GPM6A: variants seen among roughly 807,000 people sequenced by gnomAD.
The protein encoded by GPM6A is neuronal membrane glycoprotein M6-a.
In GPM6A, 7 loss-of-function variants were observed where a neutral mutation model predicts 32.1. The ratio of observed to expected loss-of-function variants is 0.22; its 90% CI spans 0.12 to 0.41. The LOEUF (loss-of-function observed/expected upper bound fraction) is 0.41. GPM6A is among the 10% of genes least tolerant of loss of function. The pLI is 1.00. For synonymous variants in GPM6A, 130 were observed against 123.4 expected, an observed-to-expected ratio of 1.05 and a Z score of -0.35; for missense variants, 235 against 347.2, an observed-to-expected ratio of 0.68 and a Z score of 2.57.
At chr4:175,810,370 AAACTGATAGAC>A (rs1403080229) in intron 1 of GPM6A, among the ~76,000 whole-genome samples, 1 of 152,224 alleles carries the variant, frequency 6.6e-6, no homozygotes. Flanking sequence ...ATACATTTAC[AAACTGATAGAC>A]CACTAAACGT....
intron 1 of GPM6A, chr4:175,962,114 G>A (rs1218076199): frequency 4.1e-5 from 31 of 759,996 alleles, no homozygotes; most frequent in Non-Finnish European, 7.5e-5. Flanking sequence ...CCCATGCTGT[G>A]CACCATCCGG....
intron 1 of GPM6A, among the ~76,000 whole-genome samples, chr4:175,992,485 T>C (rs557267385): frequency 3.5e-4 from 54 of 152,328 alleles, no homozygotes; most frequent in Middle Eastern, 6.8e-3. Context: ...ATCATCTTCA[T>C]AATTTGGTGA....
At chr4:175,961,434 C>T (rs1199056782) in intron 1 of GPM6A, 1 of 152,154 alleles carries the variant, frequency 6.6e-6, no homozygotes, top group African/African-American at 2.4e-5. Flanking sequence ...TGGACACCCC[C>T]CAAAAACTGG....
chr4:175,796,589 T>C (rs1734238290), intron 1 of GPM6A, among the ~76,000 whole-genome samples: 1 of 152,206 alleles, frequency 6.6e-6, no homozygotes, highest in African/African-American at 2.4e-5. Flanking sequence ...TCTGGTACTT[T>C]AGTGTTTTTC....
At chr4:175,964,557 CT>C (rs756074056) in intron 1 of GPM6A, among the ~76,000 whole-genome samples, 1 of 152,154 alleles carries the variant, frequency 6.6e-6, no homozygotes, top group Non-Finnish European at 1.5e-5. Context: ...ACTTTCTTCT[CT>C]TTGTATCGTT....
chr4:175,704,741 G>T (rs1745079932), intron 1 of GPM6A, among the ~76,000 whole-genome samples: 1 of 152,128 alleles, frequency 6.6e-6, no homozygotes, highest in Admixed American at 6.5e-5. Context: ...GATTTCTACT[G>T]CAGACAATCA....
At chr4:175,802,303 C>T (rs1344736181) in intron 1 of GPM6A, among the ~76,000 whole-genome samples, 1 of 152,004 alleles carries the variant, frequency 6.6e-6, no homozygotes, top group Non-Finnish European at 1.5e-5. Flanking sequence ...TCTCAAAACA[C>T]AAATTAGTGA....
intron 1 of GPM6A, among the ~76,000 whole-genome samples, chr4:175,940,547 A>G (rs913587992): frequency 3.9e-5 from 6 of 152,172 alleles, no homozygotes; most frequent in African/African-American, 1.4e-4. Flanking sequence ...CTGCTCTGCT[A>G]TGAAATTATA....
At chr4:175,783,261 TG>T (rs1733680778) in intron 1 of GPM6A, among the ~76,000 whole-genome samples, 1 of 151,966 alleles carries the variant, frequency 6.6e-6, no homozygotes, top group Non-Finnish European at 1.5e-5. Context: ...TAATAGAATT[TG>T]TTTCCTATTA....
intron 1 of GPM6A, among the ~76,000 whole-genome samples, chr4:175,881,854 G>GC (rs201999785): frequency 0.016 from 2,371 of 149,302 alleles, 65 homozygotes; most frequent in African/African-American, 0.058. Context: ...GGTGGGAGGA[G>GC]GGGGAGGGAT....
rs149653270 is a variant in GPM6A at position 175,832,561 on chromosome 4, CT to C, written c.-22-20313del. On this transcript the variant is annotated intron_variant, in intron 1 of 7. Transcript: ENST00000280187. ...CAGGAGCTTAAAGTCTGTTTAGAATCTGGCAGAAGGAATTAGTGATAGCTGG... is the reference window on the plus strand; with the variant it reads ...CAGGAGCTTAAAGTCTGTTTAGAATCGGCAGAAGGAATTAGTGATAGCTGG... Among the ~76,000 whole-genome samples, 489 of 152,244 alleles carry C rather than the reference CT, an allele frequency of 3.2e-3. 2 individuals are homozygous for C. Among genetic ancestry groups the C allele is most frequent in the African/African-American group, 0.011 (465 of 41,534 alleles).
chr4:175,641,791 G>A (rs923092427), intron 4 of GPM6A: 14 of 152,322 alleles, frequency 9.2e-5, no homozygotes, highest in African/African-American at 3.4e-4. Context: ...CCGGGTTCAA[G>A]TAATTCTCAT....
At chr4:175,750,953 T>A (rs1407121766) in intron 1 of GPM6A, among the ~76,000 whole-genome samples, 4 of 152,270 alleles carry the variant, frequency 2.6e-5, no homozygotes, top group South Asian at 2.1e-4. Flanking sequence ...ATAATTATAA[T>A]CTTCAGGGAA....
Position 175,812,262 on chromosome 4 carries a change from A to C in GPM6A, c.-35T>G. ...TCTTCAGTAGAATCTGGTACACGGA[A>C]TTAATCAAAAGCTCAATTAGATGTT... is the stretch of plus-strand genomic sequence containing the variant. On this transcript the variant is annotated 5_prime_UTR_variant, in exon 1 of 7. Coordinates refer to ENST00000393658, the MANE Select transcript of GPM6A (RefSeq NM_201591.3). 6.7e-7 allele frequency: 1 copy of C among 1,482,808 alleles called. No homozygotes were observed. The allele number at this position is 1,482,808 out of a possible 1,614,324, so 91.9% of individuals were successfully genotyped here. A position where few individuals can be genotyped will look rare whatever the true frequency, so the allele number is the denominator to read the frequency against.
intron 1 of GPM6A, among the ~76,000 whole-genome samples, chr4:175,721,148 A>AATAT (rs3032644): frequency 2.0e-4 from 27 of 135,214 alleles, no homozygotes; most frequent in East Asian, 1.0e-3. Flanking sequence ...TATATATTCT[A>AATAT]ATATATATAT....
intron 1 of GPM6A, among the ~76,000 whole-genome samples, chr4:175,915,025 C>T (rs1425572424): frequency 6.6e-6 from 1 of 152,028 alleles, no homozygotes; most frequent in African/African-American, 2.4e-5. Flanking sequence ...GCCAAATTGG[C>T]CTTCTAAAGC....
At chr4:175,829,553 C>T (rs1735541585) in intron 1 of GPM6A, among the ~76,000 whole-genome samples, 1 of 151,146 alleles carries the variant, frequency 6.6e-6, no homozygotes, top group Non-Finnish European at 1.5e-5. Flanking sequence ...ACTTGGAGAG[C>T]TGTCCGCTGG....
intron 1 of GPM6A, among the ~76,000 whole-genome samples, chr4:175,876,288 G>A (rs1344042427): frequency 1.3e-5 from 2 of 152,224 alleles, no homozygotes; most frequent in Admixed American, 6.5e-5. Flanking sequence ...CCAGAATACT[G>A]ACCCCCTACC....
At chr4:175,818,532 T>C (rs2111345360) in intron 1 of GPM6A, among the ~76,000 whole-genome samples, 1 of 152,372 alleles carries the variant, frequency 6.6e-6, no homozygotes, top group South Asian at 2.1e-4. Flanking sequence ...TAATGGCCTC[T>C]ATCTTTCCCC....
Sources: allele counts gnomAD v4.1 joint callset (sites outside exome capture counted in the v4.1 genomes callset), GRCh38; gene constraint gnomAD v4.1.1; transcripts MANE v1.5; gene names NCBI Gene and HGNC (gene_info 2026-07-23, HGNC 2026-07-21).